Variants in PTCD3 observed in about 807,000 individuals in gnomAD.
PTCD3 encodes the protein small ribosomal subunit protein mS39.
A neutral mutation model predicts 101.9 loss-of-function variants in PTCD3; 89 were observed. The ratio of observed to expected loss-of-function variants is 0.87; its 90% CI spans 0.74 to 1.04. The LOEUF (loss-of-function observed/expected upper bound fraction) is 1.04. PTCD3 is among the 50% of genes least tolerant of loss of function. PTCD3 has a pLI of 0.00. For missense variants in PTCD3, 870 were observed against 828.2 expected (o/e 1.05, Z -0.62); for synonymous variants, 296 against 278.5 (o/e 1.06, Z -0.63).
At chr2:86,117,514 CAT>C (rs1674196776) in intron 6 of PTCD3, among the ~76,000 whole-genome samples, 1 of 151,118 alleles carries the variant, frequency 6.6e-6, no homozygotes, top group African/African-American at 2.4e-5. Flanking sequence ...ATGGTACAAT[CAT>C]AGCTCATTGC....
chr2:86,114,213 C>T (rs940018034), intron 4 of PTCD3, among the ~76,000 whole-genome samples: 1 of 152,174 alleles, frequency 6.6e-6, no homozygotes, highest in East Asian at 1.9e-4. Flanking sequence ...TTGTGTAGTT[C>T]TAGAGGGGAA....
intron 12 of PTCD3, among the ~76,000 whole-genome samples, chr2:86,126,882 A>G (rs1674405464): frequency 6.6e-6 from 1 of 151,658 alleles, no homozygotes; most frequent in African/African-American, 2.4e-5. Context: ...ATACTAGTCT[A>G]TTATTTTTGC....
At chr2:86,134,811 C>T (rs777676928) in intron 20 of PTCD3, 28 bp from the exon 21 acceptor site, 3 of 1,612,152 alleles carry the variant, frequency 1.9e-6, no homozygotes, top group East Asian at 4.5e-5. Flanking sequence ...ATCAGTTAGG[C>T]AGTTCTGCTG....
At position 86,127,817 on chromosome 2, in the gene PTCD3, A is replaced by G; in HGVS notation, c.1097-124A>G. 3 of 779,672 alleles carry G rather than the reference A, an allele frequency of 3.8e-6. No individual in the cohort carries two copies. In the South Asian group the frequency reaches 4.7e-5, roughly 12 times the overall value. 48.3% of individuals were successfully genotyped at this position (779,672 alleles called of 1,614,324 possible). ...AAAATAACTTTGTTCAAAGGAATAG[A>G]AATGCATATTTTGCTTAAATATTAA... On this transcript the variant is annotated intron_variant, in intron 13 of 23. Coordinates refer to ENST00000254630, the MANE Select transcript of PTCD3 (RefSeq NM_017952.6).
At chr2:86,121,718 G>A (rs1674286175) in intron 8 of PTCD3, 124 bp downstream of exon 8, 5 of 547,832 alleles carry the variant, frequency 9.1e-6, no homozygotes, top group Non-Finnish European at 1.6e-5. Context: ...TGAGATGTGT[G>A]GTACGATAGC....
At position 86,108,340 on chromosome 2, in the gene PTCD3, T is replaced by C; in HGVS notation, c.105-10T>C. On this transcript the variant is annotated splice_polypyrimidine_tract_variant and intron_variant, in intron 1 of 23. Coordinates refer to ENST00000254630, the MANE Select transcript of PTCD3 (RefSeq NM_017952.6). ...TGACTATTAGATTTAAGGCTTTTGTTTTTTTGCAGATTTTATTCTGGTAGT... is the reference window on the plus strand; with the variant it reads ...TGACTATTAGATTTAAGGCTTTTGTCTTTTTGCAGATTTTATTCTGGTAGT... The C allele has an allele frequency of 6.2e-7, 1 of 1,607,550 alleles. No individual in the cohort carries two copies. The highest frequency in any genetic ancestry group is 2.2e-5 in the East Asian group (1 of 44,800).
At chr2:86,109,789 AT>A (rs1445513570) in intron 3 of PTCD3, among the ~76,000 whole-genome samples, 1 of 152,262 alleles carries the variant, frequency 6.6e-6, no homozygotes, top group African/African-American at 2.4e-5. Flanking sequence ...TGAATGGATA[AT>A]TTTAAAAGGT....
In PTCD3 at chr2:86,127,251, T is replaced by C. The variant is rs758047204; in HGVS notation, c.1042T>C (p.Phe348Leu). The C allele has an allele frequency of 6.2e-7, 1 of 1,614,126 alleles. No homozygotes were observed. Among genetic ancestry groups the C allele is most frequent in the Non-Finnish European group, 8.5e-7 (1 of 1,179,990 alleles). Residue 348 changes from phenylalanine (F) to leucine (L), a missense_variant, in exon 13 of 24, where the codon TTT becomes CTT. By Grantham distance (22) the Phe-to-Leu change is conservative. Transcript: ENST00000254630. ...GAAATGTCTCCGAAGATTTCATGTG[T>C]TTGCAAGATCGCCAGCCTTACAGGT... ...ILKCLRRFHV[F>L]ARSPALQVLR...
Position 86,128,000 on chromosome 2 carries a change from G to A in PTCD3, c.1147+9G>A. The A allele has an allele frequency of 6.3e-7, 1 of 1,590,454 alleles. No individual in the cohort carries two copies. Among genetic ancestry groups the A allele is most frequent in the Non-Finnish European group, 8.6e-7 (1 of 1,159,034 alleles). On this transcript the variant is annotated intron_variant, in intron 14 of 23. Transcript: ENST00000254630. ...CCTGTTTGATCAACCTGGTATGTAT[G>A]GCCTTAAATTGTGTTAATTTATATA...
intron 3 of PTCD3, among the ~76,000 whole-genome samples, chr2:86,110,090 A>G (rs1182472497): frequency 6.6e-6 from 1 of 152,202 alleles, no homozygotes. Context: ...CTTTAAAGAA[A>G]GAGAATTAGT....
chr2:86,127,198 CA>C lies in PTCD3; in HGVS notation c.992del (p.Asn331IlefsTer9). 1 of 1,613,494 alleles carries C rather than the reference CA, an allele frequency of 6.2e-7. No homozygotes were observed. The highest frequency in any genetic ancestry group is 8.5e-7 in the Non-Finnish European group (1 of 1,179,714). Reference sequence around the variant, plus strand: ...CACATGGTTGCACAGAAGGTGAAACCAAATCTTCAGACTTTTAATACCATTC... The same window carrying C: ...CACATGGTTGCACAGAAGGTGAAACCAATCTTCAGACTTTTAATACCATTC... ...LRHMVAQKVK[P>X]NLQTFNTILK... On this transcript the variant is annotated frameshift_variant, in exon 13 of 24. Transcript: ENST00000254630. LOFTEE classifies it high-confidence loss of function.
At chr2:86,137,336 A>G (rs1001267183) in intron 23 of PTCD3, 133 bp from the exon 24 acceptor site, 211 of 1,371,342 alleles carry the variant, frequency 1.5e-4, no homozygotes, top group Non-Finnish European at 1.9e-4. Flanking sequence ...TGTTTCTAAT[A>G]TAGTTTAATG....
At chr2:86,108,197 T>TTATCA in intron 1 of PTCD3, 153 bp from the exon 2 acceptor site, 1 of 794,296 alleles carries the variant, frequency 1.3e-6, no homozygotes, top group Non-Finnish European at 2.0e-6. Context: ...ATATTGAACA[T>TTATCA]GTGTACAGAC....
At chr2:86,116,944 T>G in intron 5 of PTCD3, 111 bp from the exon 6 acceptor site, 1 of 635,778 alleles carries the variant, frequency 1.6e-6, no homozygotes. Context: ...GGATTCTGCG[T>G]GTTGTTGCAT....
chr2:86,123,607 G>C (rs1674333331), intron 8 of PTCD3, 94 bp from the exon 9 acceptor site: 1 of 899,574 alleles, frequency 1.1e-6, no homozygotes, highest in Admixed American at 2.8e-5. Flanking sequence ...TTATTTTTCT[G>C]AGTTCCCTTT....
At chr2:86,125,908 T>A (rs770937612) in intron 12 of PTCD3, 28 bp downstream of exon 12, 1 of 1,455,162 alleles carries the variant, frequency 6.9e-7, no homozygotes, top group East Asian at 2.3e-5. Context: ...GTTTATTTTT[T>A]AATAGGGCTT....
At chr2:86,122,313 CA>C (rs1191770709) in intron 8 of PTCD3, among the ~76,000 whole-genome samples, 1 of 152,132 alleles carries the variant, frequency 6.6e-6, no homozygotes, top group Admixed American at 6.5e-5. Flanking sequence ...TTTACAAATG[CA>C]TACAAAAAAA....
chr2:86,141,643 T>C lies in PTCD3; in HGVS notation c.*4084T>C, dbSNP rs1674687012. On this transcript the variant is annotated 3_prime_UTR_variant, in exon 24 of 24. Coordinates refer to ENST00000254630, the MANE Select transcript of PTCD3 (RefSeq NM_017952.6). ...AAATGTTAAATCAGGATGTGTGAGT[T>C]TTAAGATGTTGAACACTGTCCTACA... The C allele has an allele frequency of 6.6e-6, 1 of 152,228 alleles. No homozygotes were observed. The highest frequency in any genetic ancestry group is 2.4e-5 in the African/African-American group (1 of 41,458). The allele number at this position is 152,228 out of a possible 1,614,324, so 9.4% of individuals were successfully genotyped here. A position where few individuals can be genotyped will look rare whatever the true frequency, so the allele number is the denominator to read the frequency against.
chr2:86,106,758 G>T lies in PTCD3; in HGVS notation c.104+407G>T, dbSNP rs148590637. On this transcript the variant is annotated intron_variant, in intron 1 of 23. Coordinates refer to ENST00000254630, the MANE Select transcript of PTCD3 (RefSeq NM_017952.6). ...TAAAAGGCAGTCTCTGGTCGCCACCGTGGGGACTTTGGCTAAAGAAGTTAT... is the reference window on the plus strand; with the variant it reads ...TAAAAGGCAGTCTCTGGTCGCCACCTTGGGGACTTTGGCTAAAGAAGTTAT... Among the ~76,000 whole-genome samples, 144 of 152,328 alleles carry T rather than the reference G, an allele frequency of 9.5e-4. 3 individuals are homozygous for T. Among genetic ancestry groups the T allele is most frequent in the Non-Finnish European group, 1.3e-4 (9 of 68,030 alleles).
Sources: gnomAD v4.1 joint callset for allele counts (sites outside exome capture counted in the v4.1 genomes callset) on GRCh38, gnomAD v4.1.1 for gene constraint, MANE v1.5 for transcripts, NCBI Gene and HGNC (gene_info 2026-07-23, HGNC 2026-07-21) for gene names.